Variants in RHAG observed in about 807,000 individuals in gnomAD.
RHAG encodes the protein Rh associated glycoprotein, also known as ammonium transporter Rh type A.
Under a neutral mutation model 42.4 loss-of-function variants are expected in RHAG, and 25 were observed. The observed-to-expected ratio is 0.59, with a 90% CI of 0.43 to 0.82. The LOEUF is 0.82. RHAG is among the 40% of genes least tolerant of loss of function. The pLI is 0.00. For synonymous variants in RHAG, 182 were observed against 177.7 expected (o/e 1.02, Z -0.19); for missense variants, 483 against 504.6 (o/e 0.96, Z 0.41).
chr6:49,623,027 CG>C (rs1762790014), intron 1 of RHAG, among the ~76,000 whole-genome samples: 1 of 141,392 alleles, frequency 7.1e-6, no homozygotes, highest in Non-Finnish European at 1.5e-5. Flanking sequence ...TTAGTAGAGA[CG>C]GGGTTTTCAC....
Position 49,615,760 on chromosome 6 carries a change from A to G in RHAG, c.504T>C (p.Ile168=), listed in dbSNP as rs771590854. The stretch of plus-strand genomic sequence containing the variant: ...AGGCATGGATCGTCATTGATGCTCC[A>G]ATGTCAGAGGCCTGAGGGACAAAAT... The part of the protein sequence containing the change: ...LVSEIFKASD[I]GASMTIHAFG... The change falls in exon 4 of 10, where the codon ATT becomes ATC. Residue 168 remains isoleucine, a synonymous_variant. Coordinates refer to ENST00000371175, the MANE Select transcript of RHAG (RefSeq NM_000324.3). 6 of 1,614,146 alleles carry G rather than the reference A, an allele frequency of 3.7e-6. No homozygotes were observed. The South Asian group carries it at 5.5e-5, about 15-fold the overall frequency.
chr6:49,608,829 C>T (rs762771203), intron 7 of RHAG, among the ~76,000 whole-genome samples: 11 of 152,080 alleles, frequency 7.2e-5, no homozygotes, highest in Admixed American at 2.0e-4. Context: ...TTTTAATTTG[C>T]ATTTCTTTGA....
chr6:49,634,893 C>T (rs987827102), intron 1 of RHAG, among the ~76,000 whole-genome samples: 1 of 150,454 alleles, frequency 6.6e-6, no homozygotes, highest in African/African-American at 2.4e-5. Flanking sequence ...GTGAAATGAT[C>T]ACTACAATCA....
At chr6:49,618,244 A>G in intron 2 of RHAG, 26 bp from the exon 3 acceptor site, 1 of 1,613,896 alleles carries the variant, frequency 6.2e-7, no homozygotes, top group Non-Finnish European at 8.5e-7. Flanking sequence ...AATAAATTGA[A>G]GAGTAATGCA....
intron 1 of RHAG, among the ~76,000 whole-genome samples, chr6:49,631,583 T>C (rs1382481658): frequency 6.6e-6 from 1 of 152,210 alleles, no homozygotes; most frequent in Non-Finnish European, 1.5e-5. Flanking sequence ...CCTTTTCACA[T>C]GGCCCTGTTA....
At chr6:49,627,506 G>C (rs1446395041) in intron 1 of RHAG, among the ~76,000 whole-genome samples, 1 of 152,112 alleles carries the variant, frequency 6.6e-6, no homozygotes, top group Non-Finnish European at 1.5e-5. Flanking sequence ...CCTCCAAACT[G>C]TTTCAACCTC....
chr6:49,610,873 T>C (rs138573124), intron 7 of RHAG, 151 bp downstream of exon 7: 4 of 837,306 alleles, frequency 4.8e-6, no homozygotes, highest in Non-Finnish European at 7.7e-6. Context: ...AATTTTATTC[T>C]AATGATCTTC....
At chr6:49,635,928 C>T (rs1335057005) in intron 1 of RHAG, among the ~76,000 whole-genome samples, 5 of 152,046 alleles carry the variant, frequency 3.3e-5, no homozygotes, top group Non-Finnish European at 7.4e-5. Context: ...TGTCTTCCTT[C>T]CTGGCTAATG....
At chr6:49,635,840 A>C (rs1040090633) in intron 1 of RHAG, among the ~76,000 whole-genome samples, 1 of 152,162 alleles carries the variant, frequency 6.6e-6, no homozygotes, top group African/African-American at 2.4e-5. Flanking sequence ...ATACCATTTT[A>C]AATAATTTTT....
In RHAG at chr6:49,606,908, C is replaced by T; in HGVS notation, c.1152G>A (p.Lys384=). Residue 384 remains lysine, a synonymous_variant, in exon 9 of 10, where the codon AAG becomes AAA. Coordinates refer to ENST00000371175, the MANE Select transcript of RHAG (RefSeq NM_000324.3). ...CAGATGGCTGTCCCCAGAGAGGCAA[C>T]TTTAGAATTAAACCTGTGACGGTAG... ...VGGLMTGLIL[K]LPLWGQPSDQ... 6.2e-7 allele frequency: 1 copy of T among 1,611,452 alleles called. No homozygotes were observed. Among genetic ancestry groups the T allele is most frequent in the Non-Finnish European group, 8.5e-7 (1 of 1,177,722 alleles).
chr6:49,619,899 G>C (rs894132051), intron 1 of RHAG, among the ~76,000 whole-genome samples: 2 of 152,138 alleles, frequency 1.3e-5, no homozygotes, highest in African/African-American at 4.8e-5. Context: ...ATTCATACCT[G>C]GCTCTCTTTA....
intron 5 of RHAG, among the ~76,000 whole-genome samples, chr6:49,613,069 ATT>A (rs562332720): frequency 2.9e-5 from 4 of 137,612 alleles, no homozygotes; most frequent in East Asian, 2.1e-4. Context: ...AGAGGAACTG[ATT>A]TTTTTTTTTT....
At chr6:49,624,917 C>T (rs1762820780) in intron 1 of RHAG, among the ~76,000 whole-genome samples, 1 of 152,144 alleles carries the variant, frequency 6.6e-6, no homozygotes, top group Non-Finnish European at 1.5e-5. Flanking sequence ...CATAAAACCC[C>T]CCATATTATC....
chr6:49,619,151 A>T, intron 2 of RHAG, 28 bp downstream of exon 2: 1 of 1,611,968 alleles, frequency 6.2e-7, no homozygotes, highest in Non-Finnish European at 8.5e-7. Flanking sequence ...GAGGATGCAA[A>T]CATTCAGCCC....
At chr6:49,622,096 T>C (rs1159796236) in intron 1 of RHAG, among the ~76,000 whole-genome samples, 1 of 152,110 alleles carries the variant, frequency 6.6e-6, no homozygotes, top group Admixed American at 6.5e-5. Flanking sequence ...AAATCTCATC[T>C]TGTAGCTCCC....
At chr6:49,618,271 G>C in intron 2 of RHAG, 53 bp from the exon 3 acceptor site, 4 of 1,601,690 alleles carry the variant, frequency 2.5e-6, no homozygotes, top group Non-Finnish European at 3.4e-6. Flanking sequence ...ACATAAAACT[G>C]ACCAAAGTGC....
intron 7 of RHAG, among the ~76,000 whole-genome samples, chr6:49,607,942 G>GT (rs772189983): frequency 1.1e-4 from 16 of 151,982 alleles, no homozygotes; most frequent in Non-Finnish European, 1.9e-4. Flanking sequence ...TCATCCAAGG[G>GT]AAAGGATGCA....
At chr6:49,625,979 C>T (rs771152685) in intron 1 of RHAG, among the ~76,000 whole-genome samples, 24 of 152,142 alleles carry the variant, frequency 1.6e-4, no homozygotes, top group African/African-American at 5.8e-4. Context: ...ATGGGAACAG[C>T]GCAGGAAAGA....
chr6:49,612,916 C>T, intron 5 of RHAG, among the ~76,000 whole-genome samples: 1 of 152,086 alleles, frequency 6.6e-6, no homozygotes, highest in South Asian at 2.1e-4. Context: ...CAAAAGATGA[C>T]TATGGCCACC....
Sources: gnomAD v4.1 joint callset for allele counts (sites outside exome capture counted in the v4.1 genomes callset) on GRCh38, gnomAD v4.1.1 for gene constraint, MANE v1.5 for transcripts, NCBI Gene and HGNC (gene_info 2026-07-23, HGNC 2026-07-21) for gene names.